Variants in CMTM8 observed in about 807,000 individuals in gnomAD.
CMTM8 encodes the protein CKLF-like MARVEL transmembrane domain-containing protein 8.
In CMTM8, 12 loss-of-function variants were observed where a neutral mutation model predicts 18.6. The ratio of observed to expected loss-of-function variants is 0.65; its 90% confidence interval spans 0.41 to 1.05. The LOEUF (loss-of-function observed/expected upper bound fraction) is 1.05. CMTM8 is among the 50% of genes least tolerant of loss of function. The probability of loss-of-function intolerance (pLI) is 0.00; values close to 1 mark genes in which losing one functional copy is unlikely to be tolerated. For missense variants in CMTM8, 217 were observed against 227.2 expected (o/e 0.95, Z 0.29); for synonymous variants, 87 against 90.6 (o/e 0.96, Z 0.23).
intron 1 of CMTM8, among the ~76,000 whole-genome samples, chr3:32,298,438 CT>C (rs75095552): frequency 0.1 from 13,894 of 139,018 alleles, 941 homozygotes; most frequent in East Asian, 0.43. Context: ...ACATACCCCC[CT>C]TTTTTTTTTT....
chr3:32,252,182 T>C (rs1446075726), intron 1 of CMTM8, among the ~76,000 whole-genome samples: 12 of 152,260 alleles, frequency 7.9e-5, no homozygotes, highest in Admixed American at 7.8e-4. Flanking sequence ...CCCAAGTGGA[T>C]ATCCAGTTGC....
At chr3:32,364,828 A>G (rs1016479167) in intron 2 of CMTM8, among the ~76,000 whole-genome samples, 4 of 152,176 alleles carry the variant, frequency 2.6e-5, no homozygotes, top group African/African-American at 9.7e-5. Flanking sequence ...TTTCTTCTGT[A>G]GTAATAGAAG....
intron 1 of CMTM8, among the ~76,000 whole-genome samples, chr3:32,299,097 G>A (rs1226079020): frequency 1.3e-5 from 2 of 151,278 alleles, no homozygotes; most frequent in African/African-American, 2.4e-5. Flanking sequence ...TCAGATTGCT[G>A]CTTCAAATCC....
At chr3:32,366,851 A>G (rs6800528) in intron 2 of CMTM8, among the ~76,000 whole-genome samples, 83,724 of 151,968 alleles carry the variant, frequency 0.55, 23,385 homozygotes, top group East Asian at 0.75. Flanking sequence ...CGGCAGCCTG[A>G]CCCTGGGTCT....
chr3:32,355,551 C>T (rs1696800828), intron 1 of CMTM8, among the ~76,000 whole-genome samples: 1 of 152,188 alleles, frequency 6.6e-6, no homozygotes, highest in Non-Finnish European at 1.5e-5. Context: ...TTATTGCACG[C>T]TCTCTAAATT....
At chr3:32,360,916 T>A (rs1052930423) in intron 2 of CMTM8, among the ~76,000 whole-genome samples, 2 of 152,220 alleles carry the variant, frequency 1.3e-5, no homozygotes, top group African/African-American at 4.8e-5. Flanking sequence ...GAAACACTGG[T>A]TTAAAAATAG....
At chr3:32,285,928 G>A (rs995636525) in intron 1 of CMTM8, among the ~76,000 whole-genome samples, 1 of 152,200 alleles carries the variant, frequency 6.6e-6, no homozygotes, top group Admixed American at 6.5e-5. Flanking sequence ...CAGATGTTTG[G>A]ATGAAAGAAT....
At chr3:32,367,237 T>C (rs1287021157) in intron 2 of CMTM8, among the ~76,000 whole-genome samples, 1 of 152,182 alleles carries the variant, frequency 6.6e-6, no homozygotes, top group Non-Finnish European at 1.5e-5. Context: ...TTCTTAGAGT[T>C]TAGACATAAC....
chr3:32,278,544 C>A (rs950089870), intron 1 of CMTM8, among the ~76,000 whole-genome samples: 1 of 152,160 alleles, frequency 6.6e-6, no homozygotes, highest in Non-Finnish European at 1.5e-5. Flanking sequence ...GTGCCCTGAT[C>A]ATCTCTTTCA....
intron 1 of CMTM8, among the ~76,000 whole-genome samples, chr3:32,343,396 A>G (rs1696536120): frequency 6.6e-6 from 1 of 152,122 alleles, no homozygotes; most frequent in African/African-American, 2.4e-5. Flanking sequence ...CCACCTGCAA[A>G]GTCTTCATGT....
At chr3:32,328,453 A>G (rs1418683211) in intron 1 of CMTM8, among the ~76,000 whole-genome samples, 1 of 43,432 alleles carries the variant, frequency 2.3e-5, no homozygotes, top group African/African-American at 8.6e-5. Flanking sequence ...CAGGAGGTCA[A>G]GGCTCAAGGC....
intron 1 of CMTM8, among the ~76,000 whole-genome samples, chr3:32,310,665 G>A (rs527417589): frequency 1.3e-5 from 2 of 152,148 alleles, no homozygotes; most frequent in Non-Finnish European, 2.9e-5. Context: ...TCAGCTATGG[G>A]CTCATGCTTT....
chr3:32,357,380 G>A lies in CMTM8; in HGVS notation c.155G>A (p.Gly52Glu), dbSNP rs1230014433. Reference sequence around the variant, plus strand: ...GCTTCTACCACTTTACAGGTTCTGGGGCTGCTGGTATGGACGCTTATTGCT... The same window carrying A: ...GCTTCTACCACTTTACAGGTTCTGGAGCTGCTGGTATGGACGCTTATTGCT... Reference protein sequence around the residue: ...GFLIVAEIVLGLLVWTLIAGT... With the variant: ...GFLIVAEIVLELLVWTLIAGT... Residue 52 changes from glycine (G) to glutamate (E), a missense_variant, in exon 2 of 4, where the codon GGG becomes GAG. Transcript: ENST00000307526. The A allele has an allele frequency of 6.2e-7, 1 of 1,613,358 alleles. No homozygotes were observed. Among genetic ancestry groups the A allele is most frequent in the Non-Finnish European group, 8.5e-7 (1 of 1,179,876 alleles).
intron 2 of CMTM8, among the ~76,000 whole-genome samples, chr3:32,363,087 G>T (rs17029933): frequency 6.6e-6 from 1 of 152,212 alleles, no homozygotes; most frequent in African/African-American, 2.4e-5. Context: ...TTTGAGATGG[G>T]TGAGACTTGT....
At chr3:32,307,320 G>A (rs536112406) in intron 1 of CMTM8, among the ~76,000 whole-genome samples, 30 of 152,210 alleles carry the variant, frequency 2.0e-4, no homozygotes, top group African/African-American at 6.7e-4. Flanking sequence ...CAGCCTGACC[G>A]ACAAGAGCGA....
In CMTM8 at chr3:32,312,004, G is replaced by A. The variant is rs80339147; in HGVS notation, c.148-45369G>A. 1.0e-2 allele frequency among the ~76,000 whole-genome samples: 1,520 copies of A among 152,292 alleles called. 35 individuals are homozygous for A. Among genetic ancestry groups the A allele is most frequent in the African/African-American group, 0.035 (1,438 of 41,542 alleles). ...AAAAAGGATGACTCAGAGGAGGGGC[G>A]ATTATAAAAATTGTTTTCAAGAATT... On this transcript the variant is annotated intron_variant, in intron 1 of 3. Coordinates refer to ENST00000307526, the MANE Select transcript of CMTM8 (RefSeq NM_178868.5).
At chr3:32,326,844 T>C (rs1396036301) in intron 1 of CMTM8, among the ~76,000 whole-genome samples, 1 of 152,142 alleles carries the variant, frequency 6.6e-6, no homozygotes, top group African/African-American at 2.4e-5. Flanking sequence ...CAGTGAGTTC[T>C]CTCTGAGCAC....
At chr3:32,353,600 C>G (rs1034089197) in intron 1 of CMTM8, among the ~76,000 whole-genome samples, 4 of 152,034 alleles carry the variant, frequency 2.6e-5, no homozygotes, top group African/African-American at 9.7e-5. Context: ...AAGTTATAGA[C>G]TCTGTGAACA....
intron 1 of CMTM8, among the ~76,000 whole-genome samples, chr3:32,353,938 C>T (rs940043888): frequency 2.0e-5 from 3 of 151,924 alleles, no homozygotes; most frequent in South Asian, 2.1e-4. Flanking sequence ...GCAGGTACCA[C>T]GACGCCCAGC....
Sources: allele counts gnomAD v4.1 joint callset (sites outside exome capture counted in the v4.1 genomes callset), GRCh38; gene constraint gnomAD v4.1.1; transcripts MANE v1.5; gene names NCBI Gene and HGNC (gene_info 2026-07-23, HGNC 2026-07-21).